The following COPS2 variants were observed in gnomAD, a reference collection of about 807,000 sequenced individuals.
COPS2 encodes COP9 signalosome complex subunit 2.
Under a neutral mutation model 66.1 loss-of-function variants are expected in COPS2, and 10 were observed. That is an observed-to-expected ratio of 0.15 (90% confidence interval 0.09 to 0.26). The LOEUF is 0.26. Ranked by LOEUF, COPS2 falls within the 10% of genes least tolerant of loss-of-function variation. The pLI is 1.00. For missense variants in COPS2, 215 were observed against 513.3 expected (o/e 0.42, Z 5.62); for synonymous variants, 179 against 171.3 (o/e 1.04, Z -0.35).
At chr15:49,133,875 T>C in intron 8 of COPS2, 55 bp downstream of exon 8, 1 of 1,549,096 alleles carries the variant, frequency 6.5e-7, no homozygotes, top group South Asian at 1.2e-5. Context: ...AAAAAAGAAA[T>C]AACATTTATT....
rs112665115 is a variant in COPS2, at chr15:49,134,930, A to G, written c.541-416T>C. Reference sequence around the variant, plus strand: ...ATGAAATCATTTTTTCCCCTCATCAATGTAGTGTTGAACAAAACAACATTA... The same window carrying G: ...ATGAAATCATTTTTTCCCCTCATCAGTGTAGTGTTGAACAAAACAACATTA... On this transcript the variant is annotated intron_variant, in intron 6 of 12. Transcript: ENST00000388901. Among the ~76,000 whole-genome samples the G allele has an allele frequency of 5.6e-3, 848 of 152,288 alleles. 4 individuals are homozygous for G. The highest frequency in any genetic ancestry group is 0.02 in the Middle Eastern group (6 of 294).
At chr15:49,145,210 G>A (rs928366715) in intron 1 of COPS2, 132 bp from the exon 2 acceptor site, 55 of 485,086 alleles carry the variant, frequency 1.1e-4, no homozygotes, top group Non-Finnish European at 1.4e-4. Flanking sequence ...GAATACATAC[G>A]TAAAATGCCA....
chr15:49,130,757 T>C lies in COPS2; in HGVS notation c.1007A>G (p.Asn336Ser), dbSNP rs1263479924. Reference sequence around the variant, plus strand: ...TCTTATGAAAGGATCATCCATGATGTTGCTGTGATTTGTTTTTAGAATCTT... The same window carrying C: ...TCTTATGAAAGGATCATCCATGATGCTGCTGTGATTTGTTTTTAGAATCTT... ...FEKILKTNHS[N>S]IMDDPFIREH... The change falls in exon 10 of 13, where the codon AAC becomes AGC. Residue 336 changes from asparagine to serine, a missense_variant. By Grantham distance (46) the Asn-to-Ser change is conservative. This residue lies in a region of COPS2 where 56 missense variants were observed against 173.6 expected (regional missense o/e 0.32). Transcript: ENST00000388901. The C allele has an allele frequency of 6.2e-7, 1 of 1,605,364 alleles. No homozygotes were observed. Among genetic ancestry groups the C allele is most frequent in the African/African-American group, 1.3e-5 (1 of 74,704 alleles).
chr15:49,131,197 T>A (rs2084205799), intron 9 of COPS2, among the ~76,000 whole-genome samples: 1 of 152,180 alleles, frequency 6.6e-6, no homozygotes, highest in African/African-American at 2.4e-5. Context: ...TTGTTCATAA[T>A]GAAAGGAACC....
chr15:49,144,992 T>G lies in COPS2; in HGVS notation c.141A>C (p.Pro47=). ...TTTGGAAACTGCTTAATGCCGCTTT[T>G]GGGTCATCTTCTTTTAATGCTTTGG... is the stretch of plus-strand genomic sequence containing the variant. ...YNSKALKEDD[P]KAALSSFQKV... The change falls in exon 2 of 13, where the codon CCA becomes CCC. Residue 47 remains proline, a synonymous_variant. Coordinates refer to ENST00000388901, the MANE Select transcript of COPS2 (RefSeq NM_004236.4). 1 of 1,595,658 alleles carries G rather than the reference T, an allele frequency of 6.3e-7. No individual in the cohort carries two copies. Among genetic ancestry groups the G allele is most frequent in the South Asian group, 1.1e-5 (1 of 87,118 alleles).
intron 1 of COPS2, among the ~76,000 whole-genome samples, chr15:49,149,416 CTA>C (rs927912342): frequency 1.2e-4 from 19 of 152,318 alleles, no homozygotes; most frequent in African/African-American, 4.6e-4. Flanking sequence ...TCTTAGCAAA[CTA>C]AATTTTTTTT....
chr15:49,128,140 GCA>G (rs764612775), intron 12 of COPS2, 46 bp from the exon 13 acceptor site: 40 of 1,574,238 alleles, frequency 2.5e-5, no homozygotes, highest in South Asian at 2.5e-4. Flanking sequence ...CTTTCATCAA[GCA>G]CAGTTTCTGG....
At position 49,137,323 on chromosome 15, in the gene COPS2, AAAGTGT is replaced by A; in HGVS notation, c.462+19_462+24del. 6.4e-7 allele frequency: 1 copy of A among 1,566,722 alleles called. No individual in the cohort carries two copies. Among genetic ancestry groups the A allele is most frequent in the African/African-American group, 1.4e-5 (1 of 73,524 alleles). On this transcript the variant is annotated intron_variant, in intron 5 of 12. Transcript: ENST00000388901. ...AAACACCCACCCACTTTTCAAAAGA[AAAGTGT>A]AAGTATTATAACGGTTACCTTTGTG...
At chr15:49,145,151 T>G in intron 1 of COPS2, 73 bp from the exon 2 acceptor site, 1 of 770,046 alleles carries the variant, frequency 1.3e-6, no homozygotes, top group Non-Finnish European at 2.1e-6. Flanking sequence ...AAAAAGTGAA[T>G]GCTGTTAAGA....
chr15:49,127,695 T>A lies in COPS2; in HGVS notation c.*255A>T. The A allele has an allele frequency of 3.0e-6, 1 of 332,188 alleles. No homozygotes were observed. The allele number at this position is 332,188 out of a possible 1,614,324, so 20.6% of individuals were successfully genotyped here. A position where few individuals can be genotyped will look rare whatever the true frequency, so the allele number is the denominator to read the frequency against. On this transcript the variant is annotated 3_prime_UTR_variant, in exon 13 of 13. Transcript: ENST00000388901. ...TTGCCCATGACAAATTACTATGATG[T>A]TGTACGTTTAGGGCAAGATGTCAAT... is the stretch of plus-strand genomic sequence containing the variant.
intron 4 of COPS2, chr15:49,137,739 T>C (rs115319073): frequency 0.022 from 4,880 of 222,376 alleles, 155 homozygotes; most frequent in South Asian, 0.078. Context: ...TAATAATACA[T>C]TCTGTATTTT....
chr15:49,138,010 G>A (rs1446671787), intron 4 of COPS2: 1 of 152,244 alleles, frequency 6.6e-6, no homozygotes, highest in Non-Finnish European at 1.5e-5. Flanking sequence ...CAAAGAATAA[G>A]CTCCTTCCCT....
At chr15:49,133,851 G>T (rs11858814) in intron 8 of COPS2, 40 bp from the exon 9 acceptor site, 2 of 1,548,376 alleles carry the variant, frequency 1.3e-6, no homozygotes, top group Non-Finnish European at 1.7e-6. Context: ...TATGTACAAA[G>T]AAACAACATT....
At chr15:49,151,821 A>T (rs2084363860) in intron 1 of COPS2, among the ~76,000 whole-genome samples, 3 of 146,898 alleles carry the variant, frequency 2.0e-5, no homozygotes, top group Admixed American at 6.8e-5. Context: ...TTTTTTTTTT[A>T]AATAACAAGT....
intron 1 of COPS2, among the ~76,000 whole-genome samples, chr15:49,152,965 A>G (rs1339185463): frequency 1.3e-5 from 2 of 152,218 alleles, no homozygotes; most frequent in Admixed American, 1.3e-4. Flanking sequence ...CAAGTACTTC[A>G]TGGGACAAAA....
At chr15:49,150,247 C>CAAAAAAAAAAAAAATAAATAAAAAA (rs2084349259) in intron 1 of COPS2, among the ~76,000 whole-genome samples, 1 of 126,920 alleles carries the variant, frequency 7.9e-6, no homozygotes, top group African/African-American at 2.9e-5. Flanking sequence ...GACTCTATCT[C>CAAAAAAAAAAAAAATAAATAAAAAA]AAAAAAAAAA....
chr15:49,134,257 C>A lies in COPS2; in HGVS notation c.715+83G>T, dbSNP rs77299227. ...AATACTACTGGCCCCAAGGTATACA[C>A]TGAAGTTCTAAAAAGCAAGAGTTTA... On this transcript the variant is annotated intron_variant, in intron 7 of 12. Coordinates refer to ENST00000388901, the MANE Select transcript of COPS2 (RefSeq NM_004236.4). 5,118 of 1,469,570 alleles carry A rather than the reference C, an allele frequency of 3.5e-3. 150 individuals are homozygous for A. The African/African-American group carries it at 0.064, about 18-fold the overall frequency. The allele number at this position is 1,469,570 out of a possible 1,614,324, so 91.0% of individuals were successfully genotyped here. A position where few individuals can be genotyped will look rare whatever the true frequency, so the allele number is the denominator to read the frequency against.
chr15:49,144,950 G>T lies in COPS2; in HGVS notation c.168+15C>A. 2 of 1,429,292 alleles carry T rather than the reference G, an allele frequency of 1.4e-6. No homozygotes were observed. The highest frequency in any genetic ancestry group is 2.2e-5 in the Admixed American group (1 of 45,632). 88.5% of individuals were successfully genotyped at this position (1,429,292 alleles called of 1,614,324 possible). A position where few individuals can be genotyped will look rare whatever the true frequency, so the allele number is the denominator to read the frequency against. ...AAAAATTAACACATAGAATCAAATG[G>T]AAAAGAATATAAACCTTTTGGAAAC... On this transcript the variant is annotated intron_variant, in intron 2 of 12. Coordinates refer to ENST00000388901, the MANE Select transcript of COPS2 (RefSeq NM_004236.4).
At chr15:49,136,306 A>G (rs1595821463) in intron 6 of COPS2, among the ~76,000 whole-genome samples, 1 of 152,332 alleles carries the variant, frequency 6.6e-6, no homozygotes, top group Non-Finnish European at 1.5e-5. Flanking sequence ...TTAAGACAAA[A>G]AAGGGAATAT....
Sources: gnomAD v4.1 joint callset for allele counts (sites outside exome capture counted in the v4.1 genomes callset) on GRCh38, gnomAD v4.1.1 for gene constraint, gnomAD v4.1.1 regional missense constraint, MANE v1.5 for transcripts, NCBI Gene and HGNC (gene_info 2026-07-23, HGNC 2026-07-21) for gene names.